GLI3: variants seen among roughly 807,000 people sequenced by gnomAD.
GLI3 encodes the protein GLI family zinc finger 3, also known as transcription activator GLI3.
Under a neutral mutation model 100.8 loss-of-function variants are expected in GLI3, and 20 were observed. The ratio of observed to expected loss-of-function variants is 0.20; its 90% CI spans 0.14 to 0.29. The LOEUF (loss-of-function observed/expected upper bound fraction) is 0.29. GLI3 is among the 10% of genes least tolerant of loss of function. The pLI, the probability that GLI3 is intolerant of heterozygous loss-of-function variation, is 1.00. For missense variants in GLI3, 2,040 were observed against 2,128.5 expected, an observed-to-expected ratio of 0.96 and a Z score of 0.82; for synonymous variants, 938 against 860.5, an observed-to-expected ratio of 1.09 and a Z score of -1.58.
At chr7:42,175,490 C>T (rs1471250290) in intron 2 of GLI3, among the ~76,000 whole-genome samples, 2 of 152,196 alleles carry the variant, frequency 1.3e-5, no homozygotes, top group South Asian at 4.2e-4. Context: ...TGGTGGCACA[C>T]ACCTGTAATC....
intron 3 of GLI3, among the ~76,000 whole-genome samples, chr7:42,134,710 T>C (rs748957408): frequency 2.4e-4 from 36 of 152,090 alleles, no homozygotes; most frequent in Non-Finnish European, 3.4e-4. Flanking sequence ...GAAAGGTCAT[T>C]AGACAATAAA....
intron 2 of GLI3, among the ~76,000 whole-genome samples, chr7:42,174,470 A>G (rs1787439107): frequency 1.3e-5 from 2 of 152,184 alleles, no homozygotes; most frequent in Admixed American, 1.3e-4. Context: ...AGTGGACTTC[A>G]TCCCAAATGC....
intron 2 of GLI3, among the ~76,000 whole-genome samples, chr7:42,155,905 A>G (rs1786991415): frequency 6.6e-6 from 1 of 152,172 alleles, no homozygotes; most frequent in Non-Finnish European, 1.5e-5. Context: ...TATGCCCTGT[A>G]GCCCATAGGG....
intron 2 of GLI3, chr7:42,172,442 T>C (rs1219368881): frequency 1.6e-6 from 1 of 633,226 alleles, no homozygotes; most frequent in Admixed American, 2.5e-5. Flanking sequence ...GATAGTAAGA[T>C]GAAAAAGGAT....
chr7:42,136,683 G>A (rs2049622), intron 3 of GLI3, among the ~76,000 whole-genome samples: 69,390 of 152,122 alleles, frequency 0.46, 17,098 homozygotes, highest in East Asian at 0.64. Flanking sequence ...CCTGGAGCAC[G>A]GGGAGGGCAG....
At chr7:42,026,171 G>T (rs750575344) in intron 8 of GLI3, 28 bp downstream of exon 8, 1 of 1,549,378 alleles carries the variant, frequency 6.5e-7, no homozygotes, top group Non-Finnish European at 8.9e-7. Context: ...GACCAGCACG[G>T]CCGGGTGCAT....
chr7:42,157,692 G>GA (rs1424355756), intron 2 of GLI3, among the ~76,000 whole-genome samples: 12 of 152,144 alleles, frequency 7.9e-5, no homozygotes, highest in Non-Finnish European at 1.6e-4. Flanking sequence ...TTAGAGTACA[G>GA]AAAAAGCTGA....
At chr7:42,185,777 C>T (rs561901554) in intron 2 of GLI3, among the ~76,000 whole-genome samples, 13 of 152,330 alleles carry the variant, frequency 8.5e-5, no homozygotes, top group South Asian at 4.1e-4. Flanking sequence ...AAGAAACACA[C>T]GCACACACAC....
At chr7:42,015,403 G>GA (rs1583791182) in intron 10 of GLI3, among the ~76,000 whole-genome samples, 3 of 152,036 alleles carry the variant, frequency 2.0e-5, no homozygotes. Context: ...AATTGTTCTA[G>GA]AAAAAATAAA....
At chr7:42,164,856 TA>T (rs1262323950) in intron 2 of GLI3, among the ~76,000 whole-genome samples, 2 of 144,506 alleles carry the variant, frequency 1.4e-5, no homozygotes, top group African/African-American at 2.5e-5. Context: ...AAATAAAAAT[TA>T]AAAAAATCTA....
At chr7:42,125,680 C>A (rs1311038445) in intron 3 of GLI3, among the ~76,000 whole-genome samples, 1 of 152,162 alleles carries the variant, frequency 6.6e-6, no homozygotes, top group Non-Finnish European at 1.5e-5. Flanking sequence ...CTGTCCCCAG[C>A]CATTTGAGAG....
intron 4 of GLI3, among the ~76,000 whole-genome samples, chr7:42,069,332 C>T (rs553782656): frequency 6.4e-4 from 98 of 152,248 alleles, no homozygotes; most frequent in East Asian, 4.3e-3. Context: ...TGTTTCTTAA[C>T]GCAAAGTAAA....
intron 4 of GLI3, among the ~76,000 whole-genome samples, chr7:42,075,074 A>G (rs1475920681): frequency 6.6e-6 from 1 of 152,150 alleles, no homozygotes; most frequent in Non-Finnish European, 1.5e-5. Context: ...AGGGCCTAGA[A>G]CACACAGTGG....
At chr7:42,060,517 A>G (rs1253200857) in intron 4 of GLI3, among the ~76,000 whole-genome samples, 1 of 152,190 alleles carries the variant, frequency 6.6e-6, no homozygotes, top group Non-Finnish European at 1.5e-5. Flanking sequence ...AAGAAAAAAA[A>G]TAAAAACTTT....
intron 1 of GLI3, among the ~76,000 whole-genome samples, chr7:42,244,343 C>A (rs1414822346): frequency 6.6e-6 from 1 of 152,124 alleles, no homozygotes; most frequent in Non-Finnish European, 1.5e-5. Context: ...TTAAGCTCTA[C>A]CAAAATTGGA....
At chr7:42,223,330 ATGGT>A in intron 1 of GLI3, 35 bp from the exon 2 acceptor site, 1 of 1,184,610 alleles carries the variant, frequency 8.4e-7, no homozygotes, top group Admixed American at 2.2e-5. Context: ...ACTTTCCAAA[ATGGT>A]GGAAAAAAAA....
chr7:42,040,204 G>A lies in GLI3; in HGVS notation c.862C>T (p.Pro288Ser). 6.2e-7 allele frequency: 1 copy of A among 1,613,926 alleles called. No individual in the cohort carries two copies. The highest frequency in any genetic ancestry group is 8.5e-7 in the Non-Finnish European group (1 of 1,179,838). ...RFSSPRLSAR[P>S]SRKRTLSISP... ...ATGGACAGTGTACGTTTTCGGCTCG[G>A]CCTGGCTGACAGCCTGGGGCTGGAG... The change falls in exon 7 of 15, where the codon CCG becomes TCG. Residue 288 changes from proline to serine, a missense_variant. Pro to Ser is a moderately conservative substitution (Grantham distance 74, BLOSUM62 -1). This residue lies in a region of GLI3 where 603 missense variants were observed against 690.9 expected (regional missense o/e 0.87). Transcript: ENST00000395925.
At chr7:42,150,433 A>G (rs1786827821) in intron 2 of GLI3, among the ~76,000 whole-genome samples, 1 of 152,226 alleles carries the variant, frequency 6.6e-6, no homozygotes, top group Non-Finnish European at 1.5e-5. Context: ...TGTCAAAAAC[A>G]CTAAAACTTA....
chr7:42,134,080 C>A (rs986708458), intron 3 of GLI3, among the ~76,000 whole-genome samples: 375 of 108,948 alleles, frequency 3.4e-3, no homozygotes, highest in Middle Eastern at 8.8e-3. Context: ...GACTCTGTCT[C>A]AAAAAAAAAA....
Sources: gnomAD v4.1 joint callset for allele counts (sites outside exome capture counted in the v4.1 genomes callset) on GRCh38, gnomAD v4.1.1 for gene constraint, gnomAD v4.1.1 regional missense constraint, MANE v1.5 for transcripts, NCBI Gene and HGNC (gene_info 2026-07-23, HGNC 2026-07-21) for gene names.